ADAMTS16: variants seen among roughly 807,000 people sequenced by gnomAD.
ADAMTS16 encodes A disintegrin and metalloproteinase with thrombospondin motifs 16.
A neutral mutation model predicts 145.8 loss-of-function variants in ADAMTS16; 94 were observed. The observed-to-expected ratio is 0.64, with a 90% confidence interval of 0.55 to 0.77. ADAMTS16 has a LOEUF of 0.77. ADAMTS16 is among the 30% of genes least tolerant of loss of function. The probability of loss-of-function intolerance (pLI) is 0.00; values close to 1 mark genes in which losing one functional copy is unlikely to be tolerated. For synonymous variants in ADAMTS16, 659 were observed against 604.3 expected, an observed-to-expected ratio of 1.09 and a Z score of -1.33; for missense variants, 1,585 against 1,591.5, an observed-to-expected ratio of 1.00 and a Z score of 0.07.
chr5:5,273,396 G>A (rs1263613327), intron 18 of ADAMTS16, among the ~76,000 whole-genome samples: 3 of 152,212 alleles, frequency 2.0e-5, no homozygotes, highest in Non-Finnish European at 2.9e-5. Context: ...GGTGGCACAC[G>A]CCTGTGCTCT....
At chr5:5,263,415 A>G (rs1738107664) in intron 18 of ADAMTS16, among the ~76,000 whole-genome samples, 1 of 152,158 alleles carries the variant, frequency 6.6e-6, no homozygotes, top group Non-Finnish European at 1.5e-5. Flanking sequence ...TCTGGTCTTC[A>G]TTTTCTTCAT....
intron 12 of ADAMTS16, among the ~76,000 whole-genome samples, chr5:5,233,831 T>C (rs1338587544): frequency 6.6e-6 from 1 of 152,232 alleles, no homozygotes. Flanking sequence ...TATGGTAGAA[T>C]GATTTATATT....
intron 11 of ADAMTS16, among the ~76,000 whole-genome samples, chr5:5,224,764 T>C (rs928701569): frequency 3.9e-5 from 6 of 152,300 alleles, no homozygotes; most frequent in Admixed American, 2.0e-4. Context: ...ATTATGCCTG[T>C]TTCTTAAAAG....
chr5:5,261,487 CT>C (rs1300350212), intron 17 of ADAMTS16, among the ~76,000 whole-genome samples: 2,658 of 107,330 alleles, frequency 0.025, 76 homozygotes, highest in African/African-American at 0.084. Context: ...TAGTTATAGC[CT>C]CTTTTTTTTT....
At chr5:5,296,955 G>C (rs113592462) in intron 18 of ADAMTS16, among the ~76,000 whole-genome samples, 10 of 152,338 alleles carry the variant, frequency 6.6e-5, no homozygotes, top group Admixed American at 1.3e-4. Flanking sequence ...GAAGCGGCAA[G>C]GGAGAGGTGG....
intron 4 of ADAMTS16, among the ~76,000 whole-genome samples, chr5:5,182,868 G>T (rs185432711): frequency 6.6e-6 from 1 of 152,056 alleles, no homozygotes; most frequent in Non-Finnish European, 1.5e-5. Context: ...ATTGAAGTTG[G>T]GTGCTTTCTG....
chr5:5,163,371 A>C (rs1191532468), intron 3 of ADAMTS16, among the ~76,000 whole-genome samples: 6 of 152,238 alleles, frequency 3.9e-5, no homozygotes, highest in African/African-American at 1.4e-4. Flanking sequence ...TTACCGCATC[A>C]TCTGAAGATT....
intron 17 of ADAMTS16, among the ~76,000 whole-genome samples, chr5:5,251,689 T>G (rs1354983528): frequency 6.6e-6 from 1 of 152,212 alleles, no homozygotes; most frequent in Non-Finnish European, 1.5e-5. Context: ...GTAAGATCAC[T>G]GTTTCAGAAA....
chr5:5,292,950 C>T (rs1236776888), intron 18 of ADAMTS16, among the ~76,000 whole-genome samples: 2 of 152,200 alleles, frequency 1.3e-5, no homozygotes, highest in African/African-American at 4.8e-5. Flanking sequence ...GGATAACAGG[C>T]ATTCCCTCAT....
intron 3 of ADAMTS16, among the ~76,000 whole-genome samples, chr5:5,181,758 G>C (rs1035196055): frequency 6.6e-6 from 1 of 152,150 alleles, no homozygotes; most frequent in Admixed American, 6.5e-5. Context: ...ACTTTGGTAT[G>C]CTGTGCACCC....
At chr5:5,308,743 G>A (rs934428869) in intron 21 of ADAMTS16, among the ~76,000 whole-genome samples, 3 of 152,162 alleles carry the variant, frequency 2.0e-5, no homozygotes, top group Non-Finnish European at 4.4e-5. Flanking sequence ...GAGGTCAGGA[G>A]TTTGAGACCA....
At chr5:5,245,657 T>C (rs2964425) in intron 17 of ADAMTS16, among the ~76,000 whole-genome samples, 150,474 of 152,270 alleles carry the variant, frequency 0.99, 74,366 homozygotes, top group Middle Eastern at 1. Flanking sequence ...GGAAAATTTC[T>C]CCCACCTCTT....
intron 18 of ADAMTS16, among the ~76,000 whole-genome samples, chr5:5,281,270 A>T (rs577724905): frequency 6.6e-6 from 1 of 152,342 alleles, no homozygotes; most frequent in South Asian, 2.1e-4. Context: ...AACCTCCAGG[A>T]TCCACTCAGA....
rs1739880089 is a variant in ADAMTS16 at position 5,303,445 on chromosome 5, ATG to A, written c.2968_2969del (p.Trp990GlufsTer24). ...ACNSQSCPPA[W>X]SAGPWAECSH... Reference sequence around the variant, plus strand: ...GCAACTCTCAGAGCTGCCCACCTGCATGGAGCGCCGGGCCCTGGGCAGAGGTA... The same window carrying A: ...GCAACTCTCAGAGCTGCCCACCTGCAGAGCGCCGGGCCCTGGGCAGAGGTA... On this transcript the variant is annotated frameshift_variant, in exon 19 of 23. Transcript: ENST00000274181. LOFTEE classifies it high-confidence loss of function. 1 of 1,611,310 alleles carries A rather than the reference ATG, an allele frequency of 6.2e-7. No homozygotes were observed. The highest frequency in any genetic ancestry group is 1.3e-5 in the African/African-American group (1 of 74,902).
intron 17 of ADAMTS16, among the ~76,000 whole-genome samples, chr5:5,251,442 C>G (rs1045243326): frequency 6.6e-6 from 1 of 152,200 alleles, no homozygotes; most frequent in Admixed American, 6.5e-5. Flanking sequence ...TGCTTCTATA[C>G]TCCAAAGAAA....
chr5:5,170,968 T>C (rs1735027856), intron 3 of ADAMTS16, among the ~76,000 whole-genome samples: 1 of 152,208 alleles, frequency 6.6e-6, no homozygotes, highest in South Asian at 2.1e-4. Context: ...TTCTAATGTT[T>C]TAATAGTAGA....
chr5:5,160,926 G>A (rs565258216), intron 3 of ADAMTS16, among the ~76,000 whole-genome samples: 1 of 152,172 alleles, frequency 6.6e-6, no homozygotes, highest in African/African-American at 2.4e-5. Flanking sequence ...ATAGATTTGG[G>A]CACATTTGTC....
chr5:5,140,839 A>G, intron 2 of ADAMTS16, 73 bp downstream of exon 2: 2 of 1,390,768 alleles, frequency 1.4e-6, no homozygotes, highest in Non-Finnish European at 1.9e-6. Flanking sequence ...CTGGTTTATT[A>G]GGTGCTGTGA....
intron 21 of ADAMTS16, among the ~76,000 whole-genome samples, chr5:5,307,960 G>A (rs1031710971): frequency 6.6e-6 from 1 of 152,148 alleles, no homozygotes; most frequent in Admixed American, 6.5e-5. Context: ...ACAAAGACCC[G>A]GTCGAAGCCT....
Sources: gnomAD v4.1 joint callset for allele counts (sites outside exome capture counted in the v4.1 genomes callset) on GRCh38, gnomAD v4.1.1 for gene constraint, MANE v1.5 for transcripts, NCBI Gene and HGNC (gene_info 2026-07-23, HGNC 2026-07-21) for gene names.